Variants in GRIK2 observed in about 807,000 individuals in gnomAD.
GRIK2 encodes glutamate ionotropic receptor kainate type subunit 2.
GRIK2 carries 32 observed loss-of-function variants against 100.3 expected under a neutral mutation model. The ratio of observed to expected loss-of-function variants is 0.32; its 90% confidence interval spans 0.24 to 0.43. The LOEUF is 0.43. Ranked by LOEUF, GRIK2 falls within the 20% of genes least tolerant of loss-of-function variation. The pLI is 1.00. For synonymous variants in GRIK2, 417 were observed against 389.4 expected, an observed-to-expected ratio of 1.07 and a Z score of -0.83; for missense variants, 843 against 1,114.9, an observed-to-expected ratio of 0.76 and a Z score of 3.47.
At chr6:101,737,706 C>A (rs1775739373) in intron 7 of GRIK2, among the ~76,000 whole-genome samples, 1 of 152,172 alleles carries the variant, frequency 6.6e-6, no homozygotes, top group African/African-American at 2.4e-5. Context: ...ACCATGACTA[C>A]ATTTGATCTT....
At chr6:101,802,901 G>T (rs77522732) in intron 9 of GRIK2, among the ~76,000 whole-genome samples, 3,883 of 151,790 alleles carry the variant, frequency 0.026, 174 homozygotes, top group African/African-American at 0.088. Context: ...AGTAACTAGG[G>T]TATATACATA....
intron 7 of GRIK2, among the ~76,000 whole-genome samples, chr6:101,726,836 T>C (rs4288219): frequency 6.6e-6 from 1 of 152,026 alleles, no homozygotes; most frequent in Non-Finnish European, 1.5e-5. Context: ...CCTGTACTTG[T>C]TAATCATTTT....
intron 2 of GRIK2, among the ~76,000 whole-genome samples, chr6:101,404,458 G>A (rs1238321317): frequency 1.3e-5 from 2 of 152,170 alleles, no homozygotes; most frequent in Non-Finnish European, 2.9e-5. Flanking sequence ...AAACGTTCAG[G>A]TGAGAGAAAT....
chr6:101,909,795 T>C (rs1432798224), intron 12 of GRIK2, among the ~76,000 whole-genome samples: 1 of 151,174 alleles, frequency 6.6e-6, no homozygotes, highest in Non-Finnish European at 1.5e-5. Context: ...AATGAATAGA[T>C]ATATATAGAT....
chr6:101,942,360 A>C (rs1322844048), intron 14 of GRIK2, among the ~76,000 whole-genome samples: 3 of 152,206 alleles, frequency 2.0e-5, no homozygotes, highest in African/African-American at 4.8e-5. Flanking sequence ...GACTGCTCTA[A>C]AGATACCTGA....
intron 2 of GRIK2, among the ~76,000 whole-genome samples, chr6:101,461,489 C>A (rs1469550307): frequency 6.6e-6 from 1 of 152,098 alleles, no homozygotes; most frequent in Non-Finnish European, 1.5e-5. Flanking sequence ...TCTTCAAAAC[C>A]AATAGTGGCC....
At chr6:101,641,851 A>AT (rs1781289571) in intron 4 of GRIK2, among the ~76,000 whole-genome samples, 1 of 151,962 alleles carries the variant, frequency 6.6e-6, no homozygotes, top group African/African-American at 2.4e-5. Flanking sequence ...TTTCTCTGCC[A>AT]TTAAACAATA....
At chr6:101,690,680 TC>T in intron 7 of GRIK2, among the ~76,000 whole-genome samples, 1 of 152,158 alleles carries the variant, frequency 6.6e-6, no homozygotes, top group East Asian at 1.9e-4. Flanking sequence ...TTCCAATTTG[TC>T]CAGCCTCATA....
At chr6:101,501,577 G>C (rs1773746189) in intron 2 of GRIK2, among the ~76,000 whole-genome samples, 1 of 152,120 alleles carries the variant, frequency 6.6e-6, no homozygotes, top group African/African-American at 2.4e-5. Context: ...ATTGACAAGT[G>C]AGGCAATTAC....
chr6:101,898,058 A>G (rs1787587878), intron 12 of GRIK2, among the ~76,000 whole-genome samples: 1 of 151,902 alleles, frequency 6.6e-6, no homozygotes, highest in Non-Finnish European at 1.5e-5. Flanking sequence ...ATTATATTTG[A>G]GAACTATAAA....
chr6:102,049,722 G>A (rs1386071356), intron 15 of GRIK2, among the ~76,000 whole-genome samples: 2 of 152,118 alleles, frequency 1.3e-5, no homozygotes, highest in Non-Finnish European at 2.9e-5. Flanking sequence ...GTTGTAAAGA[G>A]TTTTAGAAGG....
intron 10 of GRIK2, among the ~76,000 whole-genome samples, chr6:101,845,442 CT>C (rs1783752387): frequency 6.6e-6 from 1 of 152,156 alleles, no homozygotes; most frequent in Non-Finnish European, 1.5e-5. Flanking sequence ...CCTGCTTTCA[CT>C]TAGCATAATA....
At chr6:101,916,856 G>T (rs1789144455) in intron 12 of GRIK2, among the ~76,000 whole-genome samples, 2 of 151,482 alleles carry the variant, frequency 1.3e-5, no homozygotes, top group African/African-American at 4.8e-5. Context: ...ATTTAAATTT[G>T]CCATCTCTGT....
At chr6:101,772,477 A>T (rs1397400170) in intron 7 of GRIK2, among the ~76,000 whole-genome samples, 1 of 152,160 alleles carries the variant, frequency 6.6e-6, no homozygotes, top group Admixed American at 6.5e-5. Flanking sequence ...TGAGTTCCAT[A>T]TTCTACTCTT....
At chr6:101,802,041 T>G (rs1274420673) in intron 8 of GRIK2, among the ~76,000 whole-genome samples, 1 of 151,818 alleles carries the variant, frequency 6.6e-6, no homozygotes, top group Non-Finnish European at 1.5e-5. Context: ...CTCACTTTAG[T>G]TAAAGAGGTA....
chr6:101,563,878 G>C (rs1350864485), intron 2 of GRIK2, among the ~76,000 whole-genome samples: 1 of 149,342 alleles, frequency 6.7e-6, no homozygotes, highest in Non-Finnish European at 1.5e-5. Context: ...TTCTTTTATG[G>C]GAAAAACAAA....
intron 4 of GRIK2, among the ~76,000 whole-genome samples, chr6:101,627,880 T>C (rs985046609): frequency 2.0e-5 from 3 of 152,120 alleles, no homozygotes; most frequent in African/African-American, 7.2e-5. Context: ...TAAAAACAAG[T>C]CTCAGAGAAA....
chr6:101,499,434 C>T (rs1245188020), intron 2 of GRIK2, among the ~76,000 whole-genome samples: 2 of 151,942 alleles, frequency 1.3e-5, no homozygotes, highest in Non-Finnish European at 2.9e-5. Context: ...TGTTTTAGAA[C>T]ATTGAATTAC....
In GRIK2 at chr6:102,025,422, G is replaced by A. The variant is rs751268395; in HGVS notation, c.2086-9919G>A. 1.0e-3 allele frequency among the ~76,000 whole-genome samples: 152 copies of A among 151,230 alleles called. 3 individuals are homozygous for A. The highest frequency in any genetic ancestry group is 2.1e-4 in the South Asian group (1 of 4,806). On this transcript the variant is annotated intron_variant, in intron 14 of 16. Transcript: ENST00000369134. ...TATGAATACAAATAAAATAGACGGA[G>A]GATAAGGTATATATATGGTGAGTCG...
Sources: gnomAD v4.1 joint callset for allele counts (sites outside exome capture counted in the v4.1 genomes callset) on GRCh38, gnomAD v4.1.1 for gene constraint, MANE v1.5 for transcripts, NCBI Gene and HGNC (gene_info 2026-07-23, HGNC 2026-07-21) for gene names.